OFD1: variants seen among roughly 807,000 people sequenced by gnomAD.
OFD1 encodes the protein OFD1 centriole and centriolar satellite protein.
A neutral mutation model predicts 81.4 loss-of-function variants in OFD1; 12 were observed. The ratio of observed to expected loss-of-function variants is 0.15; its 90% CI spans 0.09 to 0.24. OFD1 has a LOEUF of 0.24. Ranked by LOEUF, OFD1 falls within the 10% of genes least tolerant of loss-of-function variation. The pLI is 1.00. For synonymous variants in OFD1, 256 were observed against 263.7 expected (o/e 0.97, Z 0.28); for missense variants, 685 against 733.9 (o/e 0.93, Z 0.77).
chrX:13,767,885 G>A lies in OFD1; in HGVS notation c.2758-169G>A, dbSNP rs769454113. The A allele has an allele frequency of 5.9e-5, 27 of 457,312 alleles. No homozygotes were observed. In the South Asian group the frequency reaches 8.6e-4, roughly 15 times the overall value. 37.7% of individuals were successfully genotyped at this position (457,312 alleles called of 1,213,427 possible). ...AATTAATACCTTCCTTCATTGAGAT[G>A]ACATATTTGTCTTCCTTTGATGATA... On this transcript the variant is annotated intron_variant, in intron 20 of 22. Transcript: ENST00000340096.
intron 6 of OFD1, among the ~76,000 whole-genome samples, chrX:13,744,781 T>A (rs1329081962): frequency 8.9e-6 from 1 of 112,486 alleles, no homozygotes; most frequent in Non-Finnish European, 1.9e-5. Flanking sequence ...GTTTGTTGAG[T>A]TTGACTTCTC....
chrX:13,769,078 T>C lies in OFD1; in HGVS notation c.3009T>C (p.Phe1003=), dbSNP rs750626140. ...TTCCCTAATTTAGTTTAACAGGCTT[T>C]TCTCATGAAGAACTAGACGACTCTT... is the stretch of plus-strand genomic sequence containing the variant. ...SSDKVESLTG[F]SHEELDDSW is the part of the protein sequence containing the mutation. The change falls in exon 23 of 23, where the codon TTT becomes TTC. Residue 1003 remains phenylalanine, a synonymous_variant. Coordinates refer to ENST00000340096, the MANE Select transcript of OFD1 (RefSeq NM_003611.3). 24 of 1,193,179 alleles carry C rather than the reference T, an allele frequency of 2.0e-5. No homozygotes were observed. Among genetic ancestry groups the C allele is most frequent in the Non-Finnish European group, 2.6e-5 (23 of 879,623 alleles).
At chrX:13,760,830 G>A (rs761395375) in intron 16 of OFD1, 110 bp downstream of exon 16, 60 of 1,008,412 alleles carry the variant, frequency 5.9e-5, no homozygotes, top group Non-Finnish European at 7.6e-5. Flanking sequence ...AAGGTCTAGT[G>A]TTTGGCACAC....
At chrX:13,767,047 C>G in intron 19 of OFD1, 80 bp from the exon 20 acceptor site, 1 of 1,026,982 alleles carries the variant, frequency 9.7e-7, no homozygotes, top group Non-Finnish European at 1.4e-6. Flanking sequence ...TGGGTCTTGG[C>G]AAGGGCTCCT....
In OFD1 at chrX:13,768,715, C is replaced by G. The variant is rs1477409024; in HGVS notation, c.2929-3C>G. On this transcript the variant is annotated splice_region_variant and splice_polypyrimidine_tract_variant and intron_variant, in intron 21 of 22. Coordinates refer to ENST00000340096, the MANE Select transcript of OFD1 (RefSeq NM_003611.3). ...AAATTTTCCACCCTCTCCATGTAAT[C>G]AGAGCTCAAAAAAGATGGTCCAAGA... 1.2e-5 allele frequency: 14 copies of G among 1,204,405 alleles called. No homozygotes were observed. Among genetic ancestry groups the G allele is most frequent in the Non-Finnish European group, 1.6e-5 (14 of 890,270 alleles).
At chrX:13,747,174 C>A (rs775367991) in intron 8 of OFD1, among the ~76,000 whole-genome samples, 14 of 111,961 alleles carry the variant, frequency 1.3e-4, no homozygotes, top group Non-Finnish European at 2.6e-4. Flanking sequence ...GGTGAACAAT[C>A]AAGTTGGGAT....
At chrX:13,759,401 CATGT>C (rs757360847) in intron 15 of OFD1, among the ~76,000 whole-genome samples, 3 of 112,493 alleles carry the variant, frequency 2.7e-5, no homozygotes, top group Non-Finnish European at 3.7e-5. Context: ...CTTTCGCATG[CATGT>C]GTTGCCGAGG....
chrX:13,760,638 C>T lies in OFD1; in HGVS notation c.2178C>T (p.Arg726=), dbSNP rs758869308. The T allele has an allele frequency of 5.0e-6, 6 of 1,209,413 alleles. No individual in the cohort carries two copies. In the Admixed American group the frequency reaches 8.7e-5, roughly 18 times the overall value. Residue 726 remains arginine, a synonymous_variant, in exon 16 of 23, where the codon CGC becomes CGT. Coordinates refer to ENST00000340096, the MANE Select transcript of OFD1 (RefSeq NM_003611.3). Reference sequence around the variant, plus strand: ...CAGGCAGTGCAGCCTCGAGGCTCCGCGGGGGCACTTCCTCCAGACGCCTCT... The same window carrying T: ...CAGGCAGTGCAGCCTCGAGGCTCCGTGGGGGCACTTCCTCCAGACGCCTCT... ...ALTGSAASRL[R]GGTSSRRLSS...
intron 19 of OFD1, among the ~76,000 whole-genome samples, chrX:13,766,032 C>G (rs1357507319): frequency 1.8e-5 from 2 of 111,666 alleles, no homozygotes; most frequent in Non-Finnish European, 3.8e-5. Context: ...GAATGTCAAG[C>G]AAGGAAGATA....
intron 10 of OFD1, 101 bp from the exon 11 acceptor site, chrX:13,753,267 C>G: frequency 8.4e-7 from 1 of 1,185,918 alleles, no homozygotes. Flanking sequence ...TCATGTTTAG[C>G]ACCCTCAGGT....
chrX:13,761,335 G>T, intron 17 of OFD1, 124 bp downstream of exon 17: 10 of 750,638 alleles, frequency 1.3e-5, no homozygotes, highest in Non-Finnish European at 2.0e-5. Context: ...TGGCAGTATA[G>T]AATTTGCAAT....
chrX:13,716,678 C>T, the OFD1 span: 3 of 1,211,082 alleles, frequency 2.5e-6, no homozygotes, highest in South Asian at 5.3e-5. Flanking sequence ...CGATGGTCGT[C>T]CTAGATGACA....
At chrX:13,730,205 G>T (rs1359729632), upstream of OFD1, among the ~76,000 whole-genome samples, 2 of 106,946 alleles carry the variant, frequency 1.9e-5, no homozygotes, top group East Asian at 5.8e-4. Context: ...AATCTACAAA[G>T]AACTCAAACA....
the OFD1 span, chrX:13,716,453 G>A: frequency 9.1e-7 from 1 of 1,103,786 alleles, no homozygotes. Flanking sequence ...CAGACTCAGA[G>A]CCTGGCATCT....
rs1602901073 is a variant in OFD1, at chrX:13,760,162, C to T, written c.1702C>T (p.Arg568Cys). Residue 568 changes from arginine to cysteine, a missense_variant, in exon 16 of 23, where the codon CGT (arginine) becomes TGT (cysteine). Coordinates refer to ENST00000340096, the MANE Select transcript of OFD1 (RefSeq NM_003611.3). The stretch of plus-strand genomic sequence containing the variant: ...CAATCCAAAGCAGTCTGTGATCGAT[C>T]GTTCTGTCAATGGATTAATAAATGG... ...YCNPKQSVIDRSVNGLINGNV... is the reference protein window; with the variant it reads ...YCNPKQSVIDCSVNGLINGNV... 15 of 1,211,534 alleles carry T rather than the reference C, an allele frequency of 1.2e-5. No homozygotes were observed. Among genetic ancestry groups the T allele is most frequent in the Non-Finnish European group, 1.6e-5 (14 of 895,191 alleles).
chrX:13,739,293 C>T (rs1272494258), intron 5 of OFD1: 10 of 181,021 alleles, frequency 5.5e-5, no homozygotes, highest in South Asian at 1.9e-4. Context: ...GGGAATATTT[C>T]TGCAAAAAAA....
chrX:13,763,963 ATTAGTCAAAATC>A, intron 19 of OFD1, 108 bp downstream of exon 19: 1 of 615,400 alleles, frequency 1.6e-6, no homozygotes, highest in Non-Finnish European at 2.7e-6. Flanking sequence ...GTAGGTGTAA[ATTAGTCAAAATC>A]TTGGGTTGGG....
At chrX:13,753,019 A>G in intron 10 of OFD1, 9 of 900,165 alleles carry the variant, frequency 1.0e-5, no homozygotes, top group Non-Finnish European at 1.2e-5. Context: ...ATCATTTGGG[A>G]TTGAGTCTGT....
intron 5 of OFD1, among the ~76,000 whole-genome samples, chrX:13,742,878 C>T (rs140245046): frequency 4.5e-5 from 5 of 111,344 alleles, no homozygotes; most frequent in East Asian, 5.6e-4. Flanking sequence ...TAGAGCTTTA[C>T]GTCATCAAGA....
Sources: gnomAD v4.1 joint callset for allele counts (sites outside exome capture counted in the v4.1 genomes callset) on GRCh38, gnomAD v4.1.1 for gene constraint, MANE v1.5 for transcripts, NCBI Gene and HGNC (gene_info 2026-07-23, HGNC 2026-07-21) for gene names.